Variants in RBFOX1 observed in about 807,000 individuals in gnomAD.
RBFOX1 encodes the protein RNA binding fox-1 homolog 1.
In RBFOX1, 8 loss-of-function variants were observed where a neutral mutation model predicts 57.7. The ratio of observed to expected loss-of-function variants is 0.14; its 90% CI spans 0.08 to 0.25. The LOEUF is 0.25. Ranked by LOEUF, RBFOX1 falls within the 10% of genes least tolerant of loss-of-function variation. RBFOX1 has a pLI of 1.00. For missense variants in RBFOX1, 611 were observed against 548.5 expected, an observed-to-expected ratio of 1.11 and a Z score of -1.14; for synonymous variants, 326 against 222.4, an observed-to-expected ratio of 1.47 and a Z score of -4.15.
chr16:7,089,070 C>T (rs141615743), intron 4 of RBFOX1, among the ~76,000 whole-genome samples: 2 of 152,162 alleles, frequency 1.3e-5, no homozygotes, highest in Non-Finnish European at 2.9e-5. Flanking sequence ...TGAGCCTTGT[C>T]ATTTACACCC....
At chr16:7,369,113 C>T (rs940365464) in intron 4 of RBFOX1, among the ~76,000 whole-genome samples, 16 of 152,106 alleles carry the variant, frequency 1.1e-4, no homozygotes, top group African/African-American at 3.9e-4. Context: ...GGAGGTTTTT[C>T]ACAACTCAGC....
intron 2 of RBFOX1, among the ~76,000 whole-genome samples, chr16:6,401,845 A>C (rs536141472): frequency 3.2e-4 from 49 of 152,158 alleles, no homozygotes; most frequent in African/African-American, 1.2e-3. Flanking sequence ...GATCCATTTT[A>C]TATGTATCTA....
chr16:5,289,325 G>A, intron 1 of RBFOX1: 1 of 407,144 alleles, frequency 2.5e-6, no homozygotes, highest in Non-Finnish European at 4.7e-6. Context: ...CCAGGAGCAG[G>A]TTCCACTGGC....
chr16:6,112,738 C>T (rs533569271), intron 1 of RBFOX1, among the ~76,000 whole-genome samples: 3 of 152,224 alleles, frequency 2.0e-5, no homozygotes, highest in South Asian at 2.1e-4. Flanking sequence ...GGAGTGGAAT[C>T]GTTTTCACAT....
At chr16:6,876,184 C>T (rs936215539) in intron 3 of RBFOX1, among the ~76,000 whole-genome samples, 2 of 147,250 alleles carry the variant, frequency 1.4e-5, no homozygotes, top group African/African-American at 4.9e-5. Context: ...AGGACCCTCT[C>T]AAAAAAAACA....
chr16:6,565,629 G>T (rs2345084), intron 2 of RBFOX1, among the ~76,000 whole-genome samples: 76,854 of 150,046 alleles, frequency 0.51, 21,000 homozygotes, highest in South Asian at 0.73. Context: ...TACCACGCCT[G>T]GCTATTTTTT....
At chr16:7,198,087 G>T (rs1212525135) in intron 4 of RBFOX1, among the ~76,000 whole-genome samples, 24 of 135,390 alleles carry the variant, frequency 1.8e-4, no homozygotes, top group Non-Finnish European at 2.7e-4. Flanking sequence ...CTCACTGCAA[G>T]CTCCACCTCC....
At chr16:7,517,601 G>T (rs1489970123) in intron 4 of RBFOX1, among the ~76,000 whole-genome samples, 1 of 151,606 alleles carries the variant, frequency 6.6e-6, no homozygotes, top group African/African-American at 2.4e-5. Context: ...CACAGACACT[G>T]GGACCATTAA....
chr16:7,592,574 A>G (rs1178922939), intron 7 of RBFOX1, among the ~76,000 whole-genome samples: 1 of 152,026 alleles, frequency 6.6e-6, no homozygotes, highest in African/African-American at 2.4e-5. Context: ...GGGGCTATGG[A>G]TTTTCTTTTC....
At chr16:6,658,897 G>T (rs888486018) in intron 3 of RBFOX1, among the ~76,000 whole-genome samples, 14 of 149,310 alleles carry the variant, frequency 9.4e-5, no homozygotes, top group Non-Finnish European at 2.1e-4. Flanking sequence ...TAGGAAGCAG[G>T]AGCACAGGTT....
intron 1 of RBFOX1, among the ~76,000 whole-genome samples, chr16:5,317,863 C>G (rs1219081645): frequency 2.0e-5 from 3 of 152,150 alleles, no homozygotes; most frequent in Admixed American, 6.5e-5. Flanking sequence ...ACAGCTACCA[C>G]TATTTATTTA....
At chr16:6,919,693 A>G (rs1299553735) in intron 3 of RBFOX1, among the ~76,000 whole-genome samples, 1 of 152,006 alleles carries the variant, frequency 6.6e-6, no homozygotes, top group Admixed American at 6.6e-5. Context: ...AGACATTGTC[A>G]TCAGCACTGA....
At chr16:7,101,148 T>C (rs540897232) in intron 4 of RBFOX1, among the ~76,000 whole-genome samples, 1 of 152,312 alleles carries the variant, frequency 6.6e-6, no homozygotes, top group Admixed American at 6.5e-5. Context: ...CGTTGGTTGC[T>C]GAGTATTAAT....
chr16:5,337,999 G>A (rs565190746), intron 1 of RBFOX1, among the ~76,000 whole-genome samples: 1 of 152,166 alleles, frequency 6.6e-6, no homozygotes, highest in Non-Finnish European at 1.5e-5. Flanking sequence ...AACTATGATT[G>A]CACCATTGCA....
intron 4 of RBFOX1, among the ~76,000 whole-genome samples, chr16:7,181,906 C>T (rs1001995289): frequency 1.3e-5 from 2 of 152,090 alleles, no homozygotes; most frequent in Admixed American, 6.5e-5. Flanking sequence ...GTGGTTCTTA[C>T]GTAATTTCTA....
At chr16:6,902,976 A>C (rs1240842078) in intron 3 of RBFOX1, among the ~76,000 whole-genome samples, 3 of 152,188 alleles carry the variant, frequency 2.0e-5, no homozygotes, top group Non-Finnish European at 2.9e-5. Flanking sequence ...GACATAAACA[A>C]AATAGTTACA....
At chr16:6,736,631 T>A (rs1255265337) in intron 3 of RBFOX1, among the ~76,000 whole-genome samples, 1 of 152,224 alleles carries the variant, frequency 6.6e-6, no homozygotes, top group Non-Finnish European at 1.5e-5. Context: ...CATGTGCAAG[T>A]ATCTTTTTCA....
intron 3 of RBFOX1, among the ~76,000 whole-genome samples, chr16:7,036,427 G>A (rs934958218): frequency 3.9e-5 from 6 of 151,972 alleles, no homozygotes; most frequent in Non-Finnish European, 5.9e-5. Flanking sequence ...AGAATTCAGG[G>A]CGGCCGGGCG....
At chr16:6,716,343 C>G (rs925752629) in intron 3 of RBFOX1, among the ~76,000 whole-genome samples, 6 of 152,212 alleles carry the variant, frequency 3.9e-5, no homozygotes, top group African/African-American at 1.4e-4. Flanking sequence ...TTCCCTCTTG[C>G]TCCCTCATCT....
Sources: allele counts gnomAD v4.1 joint callset (sites outside exome capture counted in the v4.1 genomes callset), GRCh38; gene constraint gnomAD v4.1.1; transcripts MANE v1.5; gene names NCBI Gene and HGNC (gene_info 2026-07-23, HGNC 2026-07-21).